Variants in NETO2 observed in about 807,000 individuals in gnomAD.
The protein encoded by NETO2 is neuropilin and tolloid like 2, also known as neuropilin and tolloid-like protein 2.
Under a neutral mutation model 62.5 loss-of-function variants are expected in NETO2, and 28 were observed. The observed-to-expected ratio is 0.45, with a 90% confidence interval of 0.33 to 0.61. The LOEUF is 0.61. Among genes scored for constraint, NETO2 ranks in the 20% least tolerant of loss-of-function variants. NETO2 has a pLI of 0.02. For missense variants in NETO2, 548 were observed against 643.2 expected, an observed-to-expected ratio of 0.85 and a Z score of 1.60; for synonymous variants, 214 against 219.1, an observed-to-expected ratio of 0.98 and a Z score of 0.21.
At chr16:47,122,625 C>A in intron 6 of NETO2, 32 bp downstream of exon 6, 1 of 1,598,078 alleles carries the variant, frequency 6.3e-7, no homozygotes, top group Non-Finnish European at 8.5e-7. Flanking sequence ...TCATGATGTT[C>A]TTCTCTGAAG....
chr16:47,141,021 C>A (rs1364609393), intron 1 of NETO2, among the ~76,000 whole-genome samples: 1 of 152,126 alleles, frequency 6.6e-6, no homozygotes, highest in South Asian at 2.1e-4. Flanking sequence ...TCTGTGAGGC[C>A]TAGAGTGATC....
intron 1 of NETO2, among the ~76,000 whole-genome samples, chr16:47,139,363 C>A (rs938171808): frequency 6.6e-6 from 1 of 152,194 alleles, no homozygotes; most frequent in Non-Finnish European, 1.5e-5. Flanking sequence ...GATTCCCCCC[C>A]ACCCTCCTGA....
chr16:47,083,902 C>T, intron 8 of NETO2, 101 bp from the exon 9 acceptor site: 2 of 783,890 alleles, frequency 2.6e-6, no homozygotes, highest in East Asian at 2.6e-5. Context: ...AATACTTGGG[C>T]CAAATATACT....
At chr16:47,085,427 G>A (rs1172339983) in intron 8 of NETO2, among the ~76,000 whole-genome samples, 1 of 151,648 alleles carries the variant, frequency 6.6e-6, no homozygotes, top group Non-Finnish European at 1.5e-5. Context: ...TGTTGCCCAA[G>A]CTGGAGTGCA....
intron 1 of NETO2, among the ~76,000 whole-genome samples, chr16:47,141,289 A>T (rs1214218874): frequency 6.6e-6 from 1 of 152,244 alleles, no homozygotes; most frequent in African/African-American, 2.4e-5. Flanking sequence ...GCTGCTTCAG[A>T]TAAGAACCTC....
intron 6 of NETO2, among the ~76,000 whole-genome samples, chr16:47,116,167 C>T (rs1470070060): frequency 4.1e-5 from 6 of 144,644 alleles, no homozygotes; most frequent in Non-Finnish European, 7.5e-5. Flanking sequence ...TTCTAAGAGA[C>T]AGGCTCTTAC....
intron 1 of NETO2, among the ~76,000 whole-genome samples, chr16:47,140,289 T>C (rs1302618107): frequency 6.6e-6 from 1 of 152,196 alleles, no homozygotes; most frequent in African/African-American, 2.4e-5. Flanking sequence ...CATAATAATT[T>C]CAATCTCCAG....
chr16:47,138,314 C>A (rs373713120), intron 1 of NETO2, among the ~76,000 whole-genome samples: 1 of 152,156 alleles, frequency 6.6e-6, no homozygotes, highest in Non-Finnish European at 1.5e-5. Context: ...GCAGGAGAAT[C>A]GCTTGAACCT....
chr16:47,109,598 G>A lies in NETO2; in HGVS notation c.768C>T (p.Cys256=), dbSNP rs764498544. Residue 256 remains cysteine, a synonymous_variant, in exon 7 of 9, where the codon TGC becomes TGT. Transcript: ENST00000562435. ...SSIENLKAKF[C]STVANDVMLK... is the part of the protein sequence containing the mutation. The stretch of plus-strand genomic sequence containing the variant: ...GCATTACATCATTGGCCACAGTGCT[G>A]CAAAACTTGGCCTTCAGGTTTTCAA... The A allele has an allele frequency of 4.0e-5, 65 of 1,613,872 alleles. No individual in the cohort carries two copies. The highest frequency in any genetic ancestry group is 5.0e-5 in the Non-Finnish European group (59 of 1,179,910).
At chr16:47,093,696 G>A (rs1442560306) in intron 7 of NETO2, among the ~76,000 whole-genome samples, 1 of 152,176 alleles carries the variant, frequency 6.6e-6, no homozygotes, top group Non-Finnish European at 1.5e-5. Flanking sequence ...AGATAGAAGA[G>A]TTCAGCTATA....
chr16:47,120,992 C>G (rs925937786), intron 6 of NETO2, among the ~76,000 whole-genome samples: 4 of 152,018 alleles, frequency 2.6e-5, no homozygotes, highest in African/African-American at 9.7e-5. Flanking sequence ...CGTCAACATC[C>G]GGGCATCAGA....
intron 7 of NETO2, among the ~76,000 whole-genome samples, chr16:47,090,962 A>T (rs1034441132): frequency 1.3e-5 from 2 of 152,212 alleles, no homozygotes; most frequent in African/African-American, 4.8e-5. Flanking sequence ...CCTCTTCTGA[A>T]ATACTAATTG....
chr16:47,133,135 T>G (rs1410471428), intron 1 of NETO2, among the ~76,000 whole-genome samples: 1 of 152,088 alleles, frequency 6.6e-6, no homozygotes. Flanking sequence ...ACAGGAGATA[T>G]GCAGAAGGCA....
chr16:47,127,816 T>C (rs1434130207), intron 4 of NETO2, among the ~76,000 whole-genome samples: 2 of 152,236 alleles, frequency 1.3e-5, no homozygotes, highest in Non-Finnish European at 2.9e-5. Flanking sequence ...CTGTGCTTAA[T>C]CGTCTTACAG....
At chr16:47,100,277 C>T (rs1313883143) in intron 7 of NETO2, among the ~76,000 whole-genome samples, 3 of 152,082 alleles carry the variant, frequency 2.0e-5, no homozygotes, top group African/African-American at 4.8e-5. Context: ...ACAGATACAA[C>T]GTACCAGAAT....
chr16:47,086,452 G>A, intron 7 of NETO2, 113 bp from the exon 8 acceptor site: 2 of 663,164 alleles, frequency 3.0e-6, no homozygotes, highest in Non-Finnish European at 5.3e-6. Context: ...GCCTTTCCTT[G>A]AATAAACTCT....
intron 1 of NETO2, among the ~76,000 whole-genome samples, chr16:47,137,529 A>C (rs1471269959): frequency 6.6e-6 from 1 of 152,170 alleles, no homozygotes; most frequent in African/African-American, 2.4e-5. Context: ...GATTTTGGAA[A>C]CGTTGAACTT....
chr16:47,093,894 T>G (rs960504481), intron 7 of NETO2, among the ~76,000 whole-genome samples: 1 of 152,256 alleles, frequency 6.6e-6, no homozygotes, highest in Non-Finnish European at 1.5e-5. Context: ...CAGCTTACCA[T>G]TACACCATAC....
chr16:47,138,436 CAAT>C (rs762703173), intron 1 of NETO2, among the ~76,000 whole-genome samples: 14 of 152,092 alleles, frequency 9.2e-5, no homozygotes, highest in Non-Finnish European at 1.8e-4. Flanking sequence ...CCATAATCTA[CAAT>C]GATTTCAAAA....
Sources: allele counts gnomAD v4.1 joint callset (sites outside exome capture counted in the v4.1 genomes callset), GRCh38; gene constraint gnomAD v4.1.1; transcripts MANE v1.5; gene names NCBI Gene and HGNC (gene_info 2026-07-23, HGNC 2026-07-21).